Variants in RSF1 observed in about 807,000 individuals in gnomAD.
The protein encoded by RSF1 is remodeling and spacing factor 1, also known as HBV pX-associated protein 8.
In RSF1, 13 loss-of-function variants were observed where a neutral mutation model predicts 145.2. The observed-to-expected ratio is 0.09, with a 90% CI of 0.06 to 0.14. RSF1 has a LOEUF of 0.14. Ranked by LOEUF, RSF1 falls within the 10% of genes least tolerant of loss-of-function variation. RSF1 has a pLI of 1.00. For synonymous variants in RSF1, 577 were observed against 592.6 expected (o/e 0.97, Z 0.38); for missense variants, 1,517 against 1,718.2 (o/e 0.88, Z 2.07).
intron 2 of RSF1, among the ~76,000 whole-genome samples, chr11:77,750,709 A>T (rs912943569): frequency 6.6e-6 from 1 of 152,234 alleles, no homozygotes; most frequent in Non-Finnish European, 1.5e-5. Context: ...CTGACCAAGA[A>T]GCGTTATAAT....
chr11:77,807,269 T>C (rs149499452), intron 1 of RSF1, among the ~76,000 whole-genome samples: 83 of 152,318 alleles, frequency 5.4e-4, no homozygotes, highest in African/African-American at 2.0e-3. Flanking sequence ...CAACTTTTAC[T>C]CAACCATTCA....
the RSF1 span, among the ~76,000 whole-genome samples, chr11:77,861,535 G>A: frequency 1.3e-5 from 2 of 152,216 alleles, no homozygotes; most frequent in Non-Finnish European, 2.9e-5. Context: ...CCTCAGTCCT[G>A]CTGCTGGATC....
chr11:77,702,334 A>C lies in RSF1; in HGVS notation c.895T>G (p.Leu299Val), dbSNP rs1441773302. Reference sequence around the variant, plus strand: ...ATCTTTTTTTCTTCATTTTCTGGCAAAGGTTTTTCTAGCTTCACTATGACT... The same window carrying C: ...ATCTTTTTTTCTTCATTTTCTGGCACAGGTTTTTCTAGCTTCACTATGACT... ...LPVIVKLEKP[L>V]PENEEKKIIK... is the part of the protein sequence containing the mutation. The change falls in exon 6 of 16, where the codon TTG becomes GTG. Residue 299 changes from leucine (L) to valine (V), a missense_variant. Leu to Val is a conservative substitution (Grantham distance 32). This residue lies in a region of RSF1 where 207 missense variants were observed against 191.4 expected (regional missense o/e 1.08). Coordinates refer to ENST00000308488, the MANE Select transcript of RSF1 (RefSeq NM_016578.4). 1.9e-6 allele frequency: 3 copies of C among 1,609,596 alleles called. No individual in the cohort carries two copies. Among genetic ancestry groups the C allele is most frequent in the Non-Finnish European group, 2.5e-6 (3 of 1,179,064 alleles).
At chr11:77,738,060 C>G (rs148049103) in intron 4 of RSF1, among the ~76,000 whole-genome samples, 21 of 152,186 alleles carry the variant, frequency 1.4e-4, no homozygotes, top group South Asian at 4.1e-4. Flanking sequence ...ACCCGGAAGG[C>G]GGAGCTTGCA....
At chr11:77,813,856 C>CACACACAG (rs1395930598) in intron 1 of RSF1, among the ~76,000 whole-genome samples, 52 of 147,606 alleles carry the variant, frequency 3.5e-4, no homozygotes, top group Non-Finnish European at 6.8e-4. Flanking sequence ...CACACACACA[C>CACACACAG]AGAGATAATG....
chr11:77,703,682 G>C (rs1960476570), intron 5 of RSF1: 1 of 152,152 alleles, frequency 6.6e-6, no homozygotes, highest in Non-Finnish European at 1.5e-5. Flanking sequence ...GAACCATTCA[G>C]TGTCTGAGAG....
At chr11:77,670,562 G>A (rs1365802443) in intron 15 of RSF1, among the ~76,000 whole-genome samples, 2 of 151,908 alleles carry the variant, frequency 1.3e-5, no homozygotes, top group Non-Finnish European at 2.9e-5. Context: ...AGTTTCATAA[G>A]AGCTATTTTG....
intron 5 of RSF1, among the ~76,000 whole-genome samples, chr11:77,720,080 T>C (rs1033115147): frequency 1.6e-4 from 25 of 152,224 alleles, no homozygotes; most frequent in African/African-American, 6.0e-4. Context: ...GCTGTGAATA[T>C]ACTAAAATCA....
intron 1 of RSF1, among the ~76,000 whole-genome samples, chr11:77,793,803 A>G (rs1046685779): frequency 2.6e-5 from 4 of 152,150 alleles, no homozygotes; most frequent in Non-Finnish European, 5.9e-5. Context: ...ACCATCCCCA[A>G]TAGAGGAGGA....
intron 4 of RSF1, chr11:77,734,566 G>A: frequency 6.5e-7 from 1 of 1,543,416 alleles, no homozygotes; most frequent in Non-Finnish European, 8.8e-7. Context: ...GTGCAAGTTG[G>A]TCACATGGTC....
At chr11:77,670,690 C>T (rs1305704366) in intron 15 of RSF1, among the ~76,000 whole-genome samples, 2 of 152,066 alleles carry the variant, frequency 1.3e-5, no homozygotes, top group Admixed American at 6.5e-5. Flanking sequence ...AGTACACATT[C>T]GAAAAAGATG....
chr11:77,763,660 G>T (rs1428248665), intron 2 of RSF1: 1 of 152,128 alleles, frequency 6.6e-6, no homozygotes, highest in African/African-American at 2.4e-5. Flanking sequence ...CTAAAATAGG[G>T]TTAAACATAA....
At chr11:77,778,200 AGGGGAGAGGATGGG>A (rs1948365827) in intron 1 of RSF1, among the ~76,000 whole-genome samples, 1 of 10,124 alleles carries the variant, frequency 9.9e-5, no homozygotes, top group Non-Finnish European at 1.6e-4. Flanking sequence ...GGGGGAGGGA[AGGGGAGAGGATGGG>A]GAGGGGAGGG....
At chr11:77,775,780 T>C (rs1174180612) in intron 1 of RSF1, among the ~76,000 whole-genome samples, 1 of 152,070 alleles carries the variant, frequency 6.6e-6, no homozygotes, top group East Asian at 1.9e-4. Flanking sequence ...GTTTGTTTGT[T>C]TGTTTAAACA....
intron 1 of RSF1, among the ~76,000 whole-genome samples, chr11:77,819,288 T>C (rs1423475597): frequency 1.3e-5 from 2 of 152,204 alleles, no homozygotes; most frequent in African/African-American, 4.8e-5. Context: ...AAGGGCTGTT[T>C]CCAGATAAAG....
intron 4 of RSF1, chr11:77,739,469 T>G (rs1961453884): frequency 6.6e-6 from 1 of 152,220 alleles, no homozygotes; most frequent in Non-Finnish European, 1.5e-5. Flanking sequence ...TCACCTCCGT[T>G]TAGCAAATTA....
At chr11:77,831,862 AT>A in the RSF1 span, 21,977 of 80,740 alleles carry the variant, frequency 0.27, 2,722 homozygotes, top group African/African-American at 0.34. Flanking sequence ...TGCCTGGCTA[AT>A]TTTTTTTTTT....
chr11:77,775,293 T>C (rs571509439), intron 1 of RSF1, among the ~76,000 whole-genome samples: 6 of 150,334 alleles, frequency 4.0e-5, no homozygotes, highest in South Asian at 2.1e-4. Context: ...GAGTTCCCTG[T>C]AGGTGTGAAA....
chr11:77,765,804 G>A (rs1028885529), intron 1 of RSF1, among the ~76,000 whole-genome samples: 4 of 152,088 alleles, frequency 2.6e-5, no homozygotes, highest in Admixed American at 6.6e-5. Context: ...CTGAAGTGCC[G>A]TGGCACAATC....
Sources: gnomAD v4.1 joint callset for allele counts (sites outside exome capture counted in the v4.1 genomes callset) on GRCh38, gnomAD v4.1.1 for gene constraint, gnomAD v4.1.1 regional missense constraint, MANE v1.5 for transcripts, NCBI Gene and HGNC (gene_info 2026-07-23, HGNC 2026-07-21) for gene names.